The following DAGLA variants were observed in gnomAD, a reference collection of about 807,000 sequenced individuals.
DAGLA encodes diacylglycerol lipase alpha, also known as diacylglycerol lipase-alpha.
In DAGLA, 22 loss-of-function variants were observed where a neutral mutation model predicts 102.6. That is an observed-to-expected ratio of 0.21 (90% CI 0.15 to 0.31). The LOEUF is 0.31. Among genes scored for constraint, DAGLA ranks in the 10% least tolerant of loss-of-function variants. DAGLA has a pLI of 1.00. For missense variants in DAGLA, 927 were observed against 1,446.6 expected (o/e 0.64, Z 5.83); for synonymous variants, 578 against 628.9 (o/e 0.92, Z 1.21).
intron 1 of DAGLA, among the ~76,000 whole-genome samples, chr11:61,693,215 C>T (rs1279966759): frequency 1.3e-5 from 2 of 151,818 alleles, no homozygotes; most frequent in Non-Finnish European, 2.9e-5. Flanking sequence ...AGGCTGGTCT[C>T]GAACTCCTGG....
At chr11:61,716,943 G>C (rs1376741767) in intron 1 of DAGLA, among the ~76,000 whole-genome samples, 1 of 152,094 alleles carries the variant, frequency 6.6e-6, no homozygotes, top group Non-Finnish European at 1.5e-5. Context: ...ACTTGCCTGT[G>C]CTGGGGGTCC....
chr11:61,741,095 C>A, intron 18 of DAGLA, 67 bp from the exon 19 acceptor site: 1 of 1,463,130 alleles, frequency 6.8e-7, no homozygotes, highest in Non-Finnish European at 9.2e-7. Context: ...GCCCTGGCTC[C>A]ACATCGGCCC....
intron 4 of DAGLA, 90 bp from the exon 5 acceptor site, chr11:61,723,344 G>C (rs920349343): frequency 3.5e-5 from 54 of 1,532,546 alleles, no homozygotes; most frequent in Non-Finnish European, 4.2e-5. Context: ...TTTGGGGTTA[G>C]GGAGGCTCCA....
chr11:61,727,444 G>C (rs892855445), intron 6 of DAGLA, among the ~76,000 whole-genome samples: 1 of 152,222 alleles, frequency 6.6e-6, no homozygotes, highest in Non-Finnish European at 1.5e-5. Flanking sequence ...CCACCTCAGC[G>C]TCTCCTAACA....
chr11:61,742,264 G>A (rs577560453), intron 19 of DAGLA, among the ~76,000 whole-genome samples: 4 of 152,262 alleles, frequency 2.6e-5, no homozygotes, highest in Admixed American at 6.5e-5. Flanking sequence ...GGGCCACAGC[G>A]CCCTTGCTAT....
rs745595097 is a variant in DAGLA, at chr11:61,726,067, G to T, written c.621G>T (p.Thr207=). Residue 207 remains threonine (T), a synonymous_variant, in exon 6 of 20, where the codon ACG becomes ACT. Coordinates refer to ENST00000257215, the MANE Select transcript of DAGLA (RefSeq NM_006133.3). ...RLKVFLCCTR[T]KDSQSDAYSE... ...AAGTGTTCCTCTGCTGCACGCGGAC[G>T]AAGGACTCCCAGTCAGTAAGTACTG... 4 of 1,612,478 alleles carry T rather than the reference G, an allele frequency of 2.5e-6. No individual in the cohort carries two copies. Among genetic ancestry groups the T allele is most frequent in the Non-Finnish European group, 3.4e-6 (4 of 1,180,042 alleles).
At chr11:61,713,268 A>C (rs1472752263) in intron 1 of DAGLA, among the ~76,000 whole-genome samples, 1 of 152,230 alleles carries the variant, frequency 6.6e-6, no homozygotes, top group East Asian at 1.9e-4. Context: ...TCTCAGAAAC[A>C]GCATGCAGAG....
chr11:61,738,292 C>T lies in DAGLA; in HGVS notation c.1656+85C>T, dbSNP rs190998200. ...CCCACCGGTTTCTTGGGACAAAGCA[C>T]AAGAGGCCCTGCCATGGAAGGCCAG... On this transcript the variant is annotated intron_variant, in intron 16 of 19. Transcript: ENST00000257215. 7.6e-6 allele frequency: 9 copies of T among 1,177,402 alleles called. No individual in the cohort carries two copies. In the African/African-American group the frequency reaches 9.1e-5, roughly 12 times the overall value. 72.9% of individuals were successfully genotyped at this position (1,177,402 alleles called of 1,614,324 possible).
At chr11:61,731,194 G>T in intron 8 of DAGLA, 123 bp from the exon 9 acceptor site, 2 of 1,214,188 alleles carry the variant, frequency 1.6e-6, no homozygotes, top group African/African-American at 1.5e-5. Context: ...CCTCAACAGG[G>T]GACCAGCAAC....
rs554165780 is a variant in DAGLA at position 61,693,197 on chromosome 11, T to C, written c.-45+12693T>C. On this transcript the variant is annotated intron_variant, in intron 1 of 19. Coordinates refer to ENST00000257215, the MANE Select transcript of DAGLA (RefSeq NM_006133.3). Reference sequence around the variant, plus strand: ...TTTTAGTACAGACGGGGTTTCACCATGTTGGCCAGGCTGGTCTCGAACTCC... The same window carrying C: ...TTTTAGTACAGACGGGGTTTCACCACGTTGGCCAGGCTGGTCTCGAACTCC... Among the ~76,000 whole-genome samples the C allele has an allele frequency of 2.1e-3, 315 of 152,082 alleles. 6 individuals are homozygous for C. In the South Asian group the frequency reaches 0.03, roughly 15 times the overall value.
rs1398276950 is a variant in DAGLA at position 61,720,740 on chromosome 11, C to T, written c.157C>T (p.Leu53=). The change falls in exon 3 of 20, where the codon CTG becomes TTG. Residue 53 remains leucine, a synonymous_variant. Transcript: ENST00000257215. The part of the protein sequence containing the change: ...LVYNPHEACS[L]NLVDHGRGYL... Reference sequence around the variant, plus strand: ...CTATAACCCGCACGAGGCCTGCTCCCTGAACCTGGTGGACCACGGCCGCGG... The same window carrying T: ...CTATAACCCGCACGAGGCCTGCTCCTTGAACCTGGTGGACCACGGCCGCGG... The T allele has an allele frequency of 6.2e-7, 1 of 1,613,924 alleles. No homozygotes were observed. Among genetic ancestry groups the T allele is most frequent in the Non-Finnish European group, 8.5e-7 (1 of 1,180,054 alleles).
chr11:61,735,537 G>A, intron 10 of DAGLA, 24 bp from the exon 11 acceptor site: 1 of 1,611,822 alleles, frequency 6.2e-7, no homozygotes, highest in Non-Finnish European at 8.5e-7. Flanking sequence ...GGCCGCTCAG[G>A]CTCACGAGCT....
intron 15 of DAGLA, 53 bp from the exon 16 acceptor site, chr11:61,738,082 C>T (rs1007300978): frequency 2.7e-6 from 4 of 1,482,940 alleles, no homozygotes; most frequent in Non-Finnish European, 3.8e-6. Flanking sequence ...CCCCATACCT[C>T]TCATAGCCGC....
intron 4 of DAGLA, among the ~76,000 whole-genome samples, chr11:61,723,224 T>G (rs2065298855): frequency 6.6e-6 from 1 of 152,144 alleles, no homozygotes; most frequent in East Asian, 1.9e-4. Flanking sequence ...AGCTGCCTGC[T>G]CTGAGCCAAG....
At position 61,742,918 on chromosome 11, in the gene DAGLA, C is replaced by G. The variant is rs557519535; in HGVS notation, c.2172-614C>G. 3.5e-4 allele frequency among the ~76,000 whole-genome samples: 53 copies of G among 152,132 alleles called. 1 individual carries two copies. The highest frequency in any genetic ancestry group is 1.0e-3 in the African/African-American group (43 of 41,500). On this transcript the variant is annotated intron_variant, in intron 19 of 19. Transcript: ENST00000257215. ...TCAGAGCCTCATTCTCACATTGGTACAATGACAGGGGTTCTGGTGCAGAGA... is the reference window on the plus strand; with the variant it reads ...TCAGAGCCTCATTCTCACATTGGTAGAATGACAGGGGTTCTGGTGCAGAGA...
intron 1 of DAGLA, among the ~76,000 whole-genome samples, chr11:61,710,005 C>A (rs1299361170): frequency 1.3e-5 from 2 of 152,140 alleles, no homozygotes; most frequent in Non-Finnish European, 2.9e-5. Flanking sequence ...AGGACCAGGG[C>A]TCAGGGTAGG....
intron 1 of DAGLA, among the ~76,000 whole-genome samples, chr11:61,689,097 G>A (rs1391584488): frequency 6.6e-6 from 1 of 152,270 alleles, no homozygotes; most frequent in African/African-American, 2.4e-5. Flanking sequence ...CGCCTTCTGC[G>A]GGCCGGGATT....
chr11:61,688,269 C>A (rs1254414863), intron 1 of DAGLA, among the ~76,000 whole-genome samples: 1 of 145,926 alleles, frequency 6.9e-6, no homozygotes, highest in Non-Finnish European at 1.5e-5. Context: ...GAGCCGAGGT[C>A]GTGCCACTGC....
chr11:61,708,963 G>A (rs2065172538), intron 1 of DAGLA, among the ~76,000 whole-genome samples: 1 of 152,168 alleles, frequency 6.6e-6, no homozygotes, highest in Admixed American at 6.5e-5. Context: ...AGGGGATAGG[G>A]AGGTCTGAAG....
Sources: allele counts gnomAD v4.1 joint callset (sites outside exome capture counted in the v4.1 genomes callset), GRCh38; gene constraint gnomAD v4.1.1; transcripts MANE v1.5; gene names NCBI Gene and HGNC (gene_info 2026-07-23, HGNC 2026-07-21).